Variants in AMBRA1 observed in about 807,000 individuals in gnomAD.
AMBRA1 encodes the protein activating molecule in BECN1-regulated autophagy protein 1.
In AMBRA1, 47 loss-of-function variants were observed where a neutral mutation model predicts 125.4. The observed-to-expected ratio is 0.37, with a 90% CI of 0.30 to 0.48. The LOEUF is 0.48. Among genes scored for constraint, AMBRA1 ranks in the 20% least tolerant of loss-of-function variants. AMBRA1 has a pLI of 0.99. For synonymous variants in AMBRA1, 626 were observed against 655.5 expected (o/e 0.95, Z 0.69); for missense variants, 1,331 against 1,693.4 (o/e 0.79, Z 3.76).
chr11:46,479,293 G>A (rs1483777466), intron 11 of AMBRA1, among the ~76,000 whole-genome samples: 2 of 152,200 alleles, frequency 1.3e-5, no homozygotes, highest in Non-Finnish European at 2.9e-5. Flanking sequence ...GCATGTTACA[G>A]TAATGGCCCC....
At chr11:46,430,286 T>G (rs565809364) in intron 14 of AMBRA1, among the ~76,000 whole-genome samples, 103 of 152,286 alleles carry the variant, frequency 6.8e-4, no homozygotes, top group African/African-American at 2.4e-3. Context: ...GCCTGCAACA[T>G]AATTAGCAAA....
intron 11 of AMBRA1, among the ~76,000 whole-genome samples, chr11:46,481,321 C>T (rs1423664982): frequency 1.3e-5 from 2 of 152,168 alleles, no homozygotes; most frequent in Admixed American, 6.5e-5. Flanking sequence ...GGGAAAGGAT[C>T]TGCGACAAGG....
chr11:46,593,218 T>C (rs2044670363), intron 1 of AMBRA1, among the ~76,000 whole-genome samples: 1 of 152,158 alleles, frequency 6.6e-6, no homozygotes, highest in South Asian at 2.1e-4. Context: ...CTCACTGTTT[T>C]CATAACTTGA....
chr11:46,572,832 G>A lies in AMBRA1; in HGVS notation c.-121+20996C>T, dbSNP rs79505812. ...TTCTGAGCTGGGTATGGTGGCTCAC[G>A]CCTGTAATCACAGCACTTTGGGAGG... On this transcript the variant is annotated intron_variant, in intron 1 of 17. Transcript: ENST00000683756. 0.013 allele frequency among the ~76,000 whole-genome samples: 1,990 copies of A among 152,212 alleles called. 79 individuals carry two copies. The South Asian group carries it at 0.15, about 12-fold the overall frequency.
Position 46,500,968 on chromosome 11 carries a change from A to G in AMBRA1, c.2340-6764T>C, listed in dbSNP as rs1950816076. On this transcript the variant is annotated intron_variant, in intron 9 of 17. Coordinates refer to ENST00000683756, the MANE Select transcript of AMBRA1 (RefSeq NM_001387011.1). ...ATGCTTCAATGATTCCCTCTTGCCT[A>G]TGGGATAAAGTTCATCTCCTTTGCA... Among the ~76,000 whole-genome samples, 3 of 152,166 alleles carry G rather than the reference A, an allele frequency of 2.0e-5. No individual in the cohort carries two copies. The South Asian group carries it at 6.2e-4, about 31-fold the overall frequency.
intron 11 of AMBRA1, among the ~76,000 whole-genome samples, chr11:46,489,643 G>A (rs993457599): frequency 2.6e-5 from 4 of 152,158 alleles, no homozygotes; most frequent in African/African-American, 9.7e-5. Context: ...TCTGCTAGGA[G>A]CAGATGCTCA....
chr11:46,466,606 A>G (rs1444934367), intron 11 of AMBRA1, among the ~76,000 whole-genome samples: 10 of 152,132 alleles, frequency 6.6e-5, no homozygotes. Context: ...AATAATAGAG[A>G]TCAGGTTGAA....
At chr11:46,435,915 A>AC (rs1947692289) in intron 12 of AMBRA1, among the ~76,000 whole-genome samples, 1 of 152,176 alleles carries the variant, frequency 6.6e-6, no homozygotes, top group Non-Finnish European at 1.5e-5. Flanking sequence ...TCTGAGTCCC[A>AC]CCGTGTGATT....
In AMBRA1 at chr11:46,581,434, C is replaced by T. The variant is rs536966809; in HGVS notation, c.-121+12394G>A. On this transcript the variant is annotated intron_variant, in intron 1 of 17. Coordinates refer to ENST00000683756, the MANE Select transcript of AMBRA1 (RefSeq NM_001387011.1). ...CCATCCTGGCTAACACATGAAACCC[C>T]GTCTCTACTAAAAATACAAAAAATT... Among the ~76,000 whole-genome samples, 13 of 151,970 alleles carry T rather than the reference C, an allele frequency of 8.6e-5. 1 individual carries two copies. Among genetic ancestry groups the T allele is most frequent in the African/African-American group, 2.9e-4 (12 of 41,478 alleles).
intron 11 of AMBRA1, among the ~76,000 whole-genome samples, chr11:46,485,977 A>T (rs1279891498): frequency 6.6e-6 from 1 of 152,202 alleles, no homozygotes; most frequent in African/African-American, 2.4e-5. Context: ...CCCGGGTGCT[A>T]TAAGGCAACT....
At position 46,397,639 on chromosome 11, in the gene AMBRA1, A is replaced by T; in HGVS notation, c.3708T>A (p.Pro1236=). ...GGGTTGGCTCCCGCCCAGGGGTACCAGGCTGGTCCCAGGAAGCTGTCCGGG... is the reference window on the plus strand; with the variant it reads ...GGGTTGGCTCCCGCCCAGGGGTACCTGGCTGGTCCCAGGAAGCTGTCCGGG... ...LSPRTASWDQ[P]GTPGREPTQP... The change falls in exon 18 of 18, where the codon CCT becomes CCA. Residue 1236 remains proline, a synonymous_variant. Transcript: ENST00000683756. The T allele has an allele frequency of 6.2e-7, 1 of 1,612,634 alleles. No individual in the cohort carries two copies. Among genetic ancestry groups the T allele is most frequent in the Non-Finnish European group, 8.5e-7 (1 of 1,179,090 alleles).
intron 2 of AMBRA1, 147 bp from the exon 3 acceptor site, chr11:46,548,022 G>A (rs1261420633): frequency 8.3e-7 from 1 of 1,197,768 alleles, no homozygotes; most frequent in African/African-American, 1.5e-5. Flanking sequence ...CAAATTGAGA[G>A]AGATAAACCT....
intron 11 of AMBRA1, among the ~76,000 whole-genome samples, chr11:46,458,891 G>A (rs937926209): frequency 6.6e-5 from 10 of 152,158 alleles, no homozygotes; most frequent in African/African-American, 2.2e-4. Flanking sequence ...GGTCCTAGAC[G>A]GCTTTTACTA....
intron 11 of AMBRA1, among the ~76,000 whole-genome samples, chr11:46,482,846 T>C (rs1176641829): frequency 6.6e-6 from 1 of 151,586 alleles, no homozygotes; most frequent in African/African-American, 2.4e-5. Context: ...CCATCTCTAC[T>C]AAAAATACAA....
chr11:46,428,787 C>T, intron 14 of AMBRA1: 5 of 1,611,330 alleles, frequency 3.1e-6, no homozygotes, highest in Non-Finnish European at 4.2e-6. Flanking sequence ...TCTCTGTCAG[C>T]TTCCCCTCTT....
chr11:46,433,613 G>A lies in AMBRA1; in HGVS notation c.2837C>T (p.Ser946Leu), dbSNP rs932975059. ...TCTGCCCATTGGGGACAGGCTCACC[G>A]AAATGGCATTGGGACCTGAGGGCCA... ...YTKRFGPNAI[S>L]VSLSPMGRYV... The change falls in exon 14 of 18, where the codon TCG (serine) becomes TTG (leucine). Residue 946 changes from serine (S) to leucine (L), a missense_variant. Coordinates refer to ENST00000683756, the MANE Select transcript of AMBRA1 (RefSeq NM_001387011.1). The A allele has an allele frequency of 2.5e-6, 4 of 1,613,910 alleles. No individual in the cohort carries two copies. The highest frequency in any genetic ancestry group is 3.4e-6 in the Non-Finnish European group (4 of 1,179,848).
intron 17 of AMBRA1, among the ~76,000 whole-genome samples, chr11:46,405,550 C>T (rs1326667668): frequency 6.6e-6 from 1 of 151,846 alleles, no homozygotes; most frequent in Non-Finnish European, 1.5e-5. Context: ...GAGACCCTAT[C>T]TCTAAAAAAA....
intron 17 of AMBRA1, among the ~76,000 whole-genome samples, chr11:46,405,903 T>C (rs1253403033): frequency 1.3e-5 from 2 of 151,676 alleles, no homozygotes; most frequent in Non-Finnish European, 2.9e-5. Flanking sequence ...GGCTAATTTT[T>C]TGTATATTTA....
chr11:46,450,564 C>T (rs367826994), intron 11 of AMBRA1, among the ~76,000 whole-genome samples: 95 of 152,076 alleles, frequency 6.2e-4, no homozygotes, highest in African/African-American at 2.2e-3. Context: ...CTCAGCCTCC[C>T]GAGTAGCTGG....
Sources: gnomAD v4.1 joint callset for allele counts (sites outside exome capture counted in the v4.1 genomes callset) on GRCh38, gnomAD v4.1.1 for gene constraint, MANE v1.5 for transcripts, NCBI Gene and HGNC (gene_info 2026-07-23, HGNC 2026-07-21) for gene names.